The following TFEC variants were observed in gnomAD, a reference collection of about 807,000 sequenced individuals.
TFEC encodes the protein transcription factor EC, also known as class E basic helix-loop-helix protein 34.
TFEC carries 31 observed loss-of-function variants against 41.6 expected under a neutral mutation model. The observed-to-expected ratio is 0.74, with a 90% CI of 0.56 to 1.01. The LOEUF is 1.01. TFEC is among the 50% of genes least tolerant of loss of function. The probability of loss-of-function intolerance (pLI) is 0.00; values close to 1 mark genes in which losing one functional copy is unlikely to be tolerated. For missense variants in TFEC, 402 were observed against 404.1 expected (o/e 0.99, Z 0.04); for synonymous variants, 143 against 140.6 (o/e 1.02, Z -0.12).
intron 4 of TFEC, among the ~76,000 whole-genome samples, chr7:115,954,866 C>T (rs971820814): frequency 4.6e-5 from 7 of 151,994 alleles, no homozygotes; most frequent in African/African-American, 1.7e-4. Flanking sequence ...AATTTATTTT[C>T]TGGCCCTCCA....
chr7:116,015,775 T>C (rs554232652), intron 1 of TFEC, among the ~76,000 whole-genome samples: 8 of 152,198 alleles, frequency 5.3e-5, no homozygotes, highest in Non-Finnish European at 1.0e-4. Context: ...GTGAAGAAGA[T>C]GGCACCAAAA....
chr7:116,064,468 G>C (rs1437757235), intron 3 of TFEC, among the ~76,000 whole-genome samples: 2 of 151,104 alleles, frequency 1.3e-5, no homozygotes, highest in East Asian at 3.9e-4. Flanking sequence ...CTGTGGTAAA[G>C]AAAACAAAAC....
At chr7:116,055,064 T>A (rs1359071677) in intron 3 of TFEC, among the ~76,000 whole-genome samples, 1 of 152,164 alleles carries the variant, frequency 6.6e-6, no homozygotes, top group African/African-American at 2.4e-5. Flanking sequence ...ACTAGTTATA[T>A]GTGTAATAGG....
chr7:115,984,156 A>T, intron 2 of TFEC, 106 bp downstream of exon 2: 2 of 1,365,410 alleles, frequency 1.5e-6, no homozygotes, highest in Non-Finnish European at 2.0e-6. Context: ...TTCTTTTGTT[A>T]CATTTGCAAT....
intron 3 of TFEC, among the ~76,000 whole-genome samples, chr7:116,036,251 T>C (rs1052783416): frequency 6.6e-6 from 1 of 152,072 alleles, no homozygotes; most frequent in African/African-American, 2.4e-5. Flanking sequence ...ATGCCTCAGA[T>C]GTTTCCCAGG....
At chr7:115,945,908 G>T (rs1197394852) in intron 6 of TFEC, among the ~76,000 whole-genome samples, 6 of 151,662 alleles carry the variant, frequency 4.0e-5, no homozygotes, top group Non-Finnish European at 5.9e-5. Context: ...ATGCTACAAT[G>T]CCAGAGTTAA....
intron 3 of TFEC, among the ~76,000 whole-genome samples, chr7:116,066,522 A>G (rs2131008010): frequency 6.6e-6 from 1 of 152,134 alleles, no homozygotes; most frequent in East Asian, 1.9e-4. Context: ...AAAGCAGTAT[A>G]TCTTCTTATT....
At chr7:115,972,828 G>C (rs1793195474) in intron 3 of TFEC, among the ~76,000 whole-genome samples, 2 of 151,948 alleles carry the variant, frequency 1.3e-5, no homozygotes, top group Non-Finnish European at 1.5e-5. Flanking sequence ...TAGATAATTT[G>C]ACAGAGAATG....
At chr7:115,943,046 TA>T (rs1793585519) in intron 6 of TFEC, among the ~76,000 whole-genome samples, 1 of 152,002 alleles carries the variant, frequency 6.6e-6, no homozygotes, top group Admixed American at 6.6e-5. Flanking sequence ...CCATTAGCAG[TA>T]AAATATTAAA....
chr7:116,083,196 G>T (rs1210474004), intron 3 of TFEC, among the ~76,000 whole-genome samples: 1 of 151,692 alleles, frequency 6.6e-6, no homozygotes, highest in Non-Finnish European at 1.5e-5. Context: ...ATTAAAATAG[G>T]TGTAACATGA....
chr7:116,098,181 A>G (rs1797514317), intron 3 of TFEC, among the ~76,000 whole-genome samples: 1 of 152,056 alleles, frequency 6.6e-6, no homozygotes, highest in Admixed American at 6.5e-5. Context: ...TTTTTTTGAG[A>G]CGGAGTCTCA....
In TFEC at chr7:116,121,761, A is replaced by G. The variant is rs1353857185; in HGVS notation, c.-68-9723T>C. Among the ~76,000 whole-genome samples the G allele has an allele frequency of 3.3e-5, 5 of 152,066 alleles. No homozygotes were observed. The East Asian group carries it at 9.6e-4, about 29-fold the overall frequency. The stretch of plus-strand genomic sequence containing the variant: ...CAGATAGAGATAAGACAGGGAAATA[A>G]GGTAAAAGAAATGAGTCTGGGATTT... On this transcript the variant is annotated intron_variant, in intron 1 of 8. Coordinates refer to the TFEC transcript ENST00000484212.
chr7:116,129,817 G>A lies in TFEC; in HGVS notation c.-68-17779C>T, dbSNP rs563871190. On this transcript the variant is annotated intron_variant, in intron 1 of 8. Transcript: ENST00000484212. Reference sequence around the variant, plus strand: ...TATTCTTACGTTCTATAATTTCTGAGGCTAGTTCTTAGCCAAATTGTGGAG... The same window carrying A: ...TATTCTTACGTTCTATAATTTCTGAAGCTAGTTCTTAGCCAAATTGTGGAG... Among the ~76,000 whole-genome samples the A allele has an allele frequency of 2.0e-5, 3 of 151,712 alleles. No homozygotes were observed. The South Asian group carries it at 6.3e-4, about 32-fold the overall frequency.
intron 3 of TFEC, among the ~76,000 whole-genome samples, chr7:116,043,252 C>G (rs1328406155): frequency 6.6e-6 from 1 of 152,014 alleles, no homozygotes; most frequent in Non-Finnish European, 1.5e-5. Flanking sequence ...AAGAATACTC[C>G]ACTCTTAAGG....
chr7:115,958,402 T>C (rs978743881), intron 3 of TFEC, among the ~76,000 whole-genome samples: 9 of 151,900 alleles, frequency 5.9e-5, no homozygotes, highest in African/African-American at 1.7e-4. Context: ...CCAGCTTGAA[T>C]TGCACATTTC....
At chr7:116,011,271 A>G (rs1366219284) in intron 1 of TFEC, among the ~76,000 whole-genome samples, 2 of 152,168 alleles carry the variant, frequency 1.3e-5, no homozygotes, top group South Asian at 2.1e-4. Flanking sequence ...CACATTTTGC[A>G]CCTCTTTTTG....
At chr7:116,144,038 T>C (rs1023871447) in intron 1 of TFEC, among the ~76,000 whole-genome samples, 1 of 151,954 alleles carries the variant, frequency 6.6e-6, no homozygotes, top group Non-Finnish European at 1.5e-5. Flanking sequence ...GCCAACATGG[T>C]GAAACGCTGT....
chr7:116,151,189 C>A (rs1255515399), intron 1 of TFEC, among the ~76,000 whole-genome samples: 1 of 148,026 alleles, frequency 6.8e-6, no homozygotes, highest in African/African-American at 2.5e-5. Flanking sequence ...AAATAGATTT[C>A]TTGTAACATT....
chr7:115,966,155 C>T (rs1347229071), intron 3 of TFEC, among the ~76,000 whole-genome samples: 5 of 151,632 alleles, frequency 3.3e-5, no homozygotes, highest in Admixed American at 1.3e-4. Flanking sequence ...CAAATTCTTG[C>T]GTTTAGTTTT....
Sources: allele counts gnomAD v4.1 joint callset (sites outside exome capture counted in the v4.1 genomes callset), GRCh38; gene constraint gnomAD v4.1.1; transcripts MANE v1.5; gene names NCBI Gene and HGNC (gene_info 2026-07-23, HGNC 2026-07-21).